Variants in SH3D19 observed in about 807,000 individuals in gnomAD.
SH3D19 encodes the protein SH3 domain containing 19, also known as SH3 domain-containing protein 19.
Under a neutral mutation model 112.1 loss-of-function variants are expected in SH3D19, and 58 were observed. The ratio of observed to expected loss-of-function variants is 0.52; its 90% CI spans 0.42 to 0.64. The LOEUF (loss-of-function observed/expected upper bound fraction) is 0.64. SH3D19 is among the 30% of genes least tolerant of loss of function. The pLI, the probability that SH3D19 is intolerant of heterozygous loss-of-function variation, is 0.00. For missense variants in SH3D19, 1,090 were observed against 1,263.4 expected (o/e 0.86, Z 2.08); for synonymous variants, 391 against 448.5 (o/e 0.87, Z 1.62).
chr4:151,124,967 T>C (rs944802684), intron 19 of SH3D19, among the ~76,000 whole-genome samples: 3 of 152,208 alleles, frequency 2.0e-5, no homozygotes, highest in Non-Finnish European at 4.4e-5. Context: ...AAGTTTGAAT[T>C]CAGATTCTTC....
intron 1 of SH3D19, chr4:151,277,244 T>G (rs374553207): frequency 1.3e-6 from 2 of 1,487,626 alleles, no homozygotes; most frequent in Admixed American, 2.0e-5. Flanking sequence ...AGGGTGGGGT[T>G]GAGAAGGCAG....
At chr4:151,249,659 G>C (rs570318021) in intron 1 of SH3D19, among the ~76,000 whole-genome samples, 2 of 151,414 alleles carry the variant, frequency 1.3e-5, no homozygotes, top group Non-Finnish European at 2.9e-5. Flanking sequence ...TGTAAACTTC[G>C]TGTAAAAAAA....
chr4:151,278,022 C>T (rs1201106494), intron 1 of SH3D19, among the ~76,000 whole-genome samples: 3 of 151,900 alleles, frequency 2.0e-5, no homozygotes, highest in Non-Finnish European at 4.4e-5. Flanking sequence ...GCCTTAGCGA[C>T]AGAGTAAGAC....
At chr4:151,171,700 T>C (rs1299320313) in intron 7 of SH3D19, among the ~76,000 whole-genome samples, 2 of 152,310 alleles carry the variant, frequency 1.3e-5, no homozygotes, top group African/African-American at 4.8e-5. Flanking sequence ...AGTTTCACCA[T>C]CCCTGGCTTG....
chr4:151,161,924 C>T (rs1456958330), intron 8 of SH3D19, among the ~76,000 whole-genome samples: 1 of 151,640 alleles, frequency 6.6e-6, no homozygotes, highest in African/African-American at 2.4e-5. Context: ...GCCACCATGC[C>T]TGGCTAAATT....
rs1554054859 is a variant in SH3D19 at position 151,211,575 on chromosome 4, A to AT, written c.152+14471dup. ...CACCACACATTTAGCAAATCTGTTA[A>AT]TTAAAAAAAAAAAAAAAGGTTCTTG... On this transcript the variant is annotated intron_variant, in intron 2 of 19. Transcript: ENST00000604030. Among the ~76,000 whole-genome samples the AT allele has an allele frequency of 4.6e-3, 376 of 82,200 alleles. 4 individuals are homozygous for AT. The highest frequency in any genetic ancestry group is 0.03 in the Middle Eastern group (4 of 134). 53.9% of individuals were successfully genotyped at this position (82,200 alleles called of 152,430 possible).
At chr4:151,266,066 A>T (rs77434747) in intron 1 of SH3D19, 25 of 152,170 alleles carry the variant, frequency 1.6e-4, no homozygotes, top group African/African-American at 6.0e-4. Flanking sequence ...CAAACCTAAA[A>T]GATTTTAGTA....
intron 19 of SH3D19, among the ~76,000 whole-genome samples, chr4:151,122,645 A>G (rs1416609531): frequency 1.3e-5 from 2 of 152,206 alleles, no homozygotes; most frequent in Non-Finnish European, 2.9e-5. Flanking sequence ...GAGGACAGAA[A>G]GCATGGGATT....
chr4:151,180,226 A>G (rs1019691205), intron 3 of SH3D19, among the ~76,000 whole-genome samples: 1 of 152,128 alleles, frequency 6.6e-6, no homozygotes, highest in African/African-American at 2.4e-5. Context: ...AGGTGTTCAA[A>G]TCACTTTTAT....
chr4:151,253,664 CG>C lies in SH3D19; in HGVS notation c.113-27579del, dbSNP rs1771580212. Among the ~76,000 whole-genome samples the C allele has an allele frequency of 2.6e-5, 4 of 151,630 alleles. No homozygotes were observed. In the South Asian group the frequency reaches 8.3e-4, roughly 32 times the overall value. On this transcript the variant is annotated intron_variant, in intron 1 of 19. Transcript: ENST00000604030. ...GCTGACGCAGGAGAATGGTGTGAAC[CG>C]GGGAAGCGGAGCTTGCAGTAAGCCG...
chr4:151,263,265 T>A (rs776251316), intron 1 of SH3D19, among the ~76,000 whole-genome samples: 1 of 152,226 alleles, frequency 6.6e-6, no homozygotes, highest in Non-Finnish European at 1.5e-5. Flanking sequence ...TAAAGGAATC[T>A]GGACATCACT....
intron 10 of SH3D19, 68 bp from the exon 11 acceptor site, chr4:151,148,254 T>A: frequency 2.0e-6 from 2 of 982,790 alleles, no homozygotes; most frequent in Non-Finnish European, 2.9e-6. Flanking sequence ...TGTCCTGTCT[T>A]ACACACACAC....
At chr4:151,142,522 A>G (rs1386959843) in intron 12 of SH3D19, among the ~76,000 whole-genome samples, 1 of 152,202 alleles carries the variant, frequency 6.6e-6, no homozygotes, top group African/African-American at 2.4e-5. Context: ...TATCTCACAC[A>G]TTAAAAAAAT....
At chr4:151,264,381 T>A (rs1485370182) in intron 1 of SH3D19, among the ~76,000 whole-genome samples, 2 of 120,032 alleles carry the variant, frequency 1.7e-5, no homozygotes, top group Non-Finnish European at 3.2e-5. Flanking sequence ...TGAGCCAACA[T>A]CCCGTCACTG....
At chr4:151,284,303 ATC>A (rs1292543694) in intron 1 of SH3D19, among the ~76,000 whole-genome samples, 2 of 152,068 alleles carry the variant, frequency 1.3e-5, no homozygotes, top group Admixed American at 6.6e-5. Flanking sequence ...TTTTAAATTG[ATC>A]TGTATTGAAG....
chr4:151,229,775 C>T (rs1056620634), intron 1 of SH3D19, among the ~76,000 whole-genome samples: 13 of 152,026 alleles, frequency 8.6e-5, no homozygotes, highest in African/African-American at 2.9e-4. Flanking sequence ...ATTAGCTGGA[C>T]GTGGTGGTGC....
chr4:151,144,812 T>G (rs2149769119), intron 11 of SH3D19, among the ~76,000 whole-genome samples: 1 of 152,286 alleles, frequency 6.6e-6, no homozygotes, highest in South Asian at 2.1e-4. Context: ...TCCACTCAGC[T>G]CTGTCTGATC....
chr4:151,129,051 T>C (rs542584002), intron 17 of SH3D19, among the ~76,000 whole-genome samples: 2 of 152,372 alleles, frequency 1.3e-5, no homozygotes, highest in African/African-American at 4.8e-5. Context: ...TGATAAAGTA[T>C]GTAATTATCA....
intron 2 of SH3D19, among the ~76,000 whole-genome samples, chr4:151,209,658 A>G (rs557437485): frequency 1.3e-5 from 2 of 152,202 alleles, no homozygotes; most frequent in Non-Finnish European, 1.5e-5. Flanking sequence ...GAGTATTTTT[A>G]AAATTCACTT....
Sources: gnomAD v4.1 joint callset for allele counts (sites outside exome capture counted in the v4.1 genomes callset) on GRCh38, gnomAD v4.1.1 for gene constraint, MANE v1.5 for transcripts, NCBI Gene and HGNC (gene_info 2026-07-23, HGNC 2026-07-21) for gene names.